The following ELF3 variants were observed in gnomAD, a reference collection of about 807,000 sequenced individuals.
ELF3 encodes the protein E74 like ETS transcription factor 3.
A neutral mutation model predicts 43.9 loss-of-function variants in ELF3; 18 were observed. That is an observed-to-expected ratio of 0.41 (90% CI 0.28 to 0.61). ELF3 has a LOEUF of 0.61. Ranked by LOEUF, ELF3 falls within the 20% of genes least tolerant of loss-of-function variation. The probability of loss-of-function intolerance (pLI) is 0.30; values close to 1 mark genes in which losing one functional copy is unlikely to be tolerated. For missense variants in ELF3, 373 were observed against 487.7 expected (o/e 0.76, Z 2.21); for synonymous variants, 181 against 190.2 (o/e 0.95, Z 0.40).
Position 202,015,193 on chromosome 1 carries a change from C to T in ELF3, c.1002-16C>T, listed in dbSNP as rs1684287345. Reference sequence around the variant, plus strand: ...TTCCTGCCAAAGCACCTCTGACCATCCTTCTCTTCACCCAGGTACTACTAC... The same window carrying T: ...TTCCTGCCAAAGCACCTCTGACCATTCTTCTCTTCACCCAGGTACTACTAC... On this transcript the variant is annotated splice_polypyrimidine_tract_variant and intron_variant, in intron 8 of 8. Coordinates refer to ENST00000367284, the MANE Select transcript of ELF3 (RefSeq NM_004433.5). 1 of 1,613,540 alleles carries T rather than the reference C, an allele frequency of 6.2e-7. No homozygotes were observed. Among genetic ancestry groups the T allele is most frequent in the Non-Finnish European group, 8.5e-7 (1 of 1,179,658 alleles).
At position 202,012,797 on chromosome 1, in the gene ELF3, A is replaced by C; in HGVS notation, c.598+38A>C. 1 of 1,537,904 alleles carries C rather than the reference A, an allele frequency of 6.5e-7. No individual in the cohort carries two copies. The highest frequency in any genetic ancestry group is 8.8e-7 in the Non-Finnish European group (1 of 1,142,628). On this transcript the variant is annotated intron_variant, in intron 5 of 8. Transcript: ENST00000367284. The surrounding 1 kb of genome is among the most constrained non-coding windows in gnomAD (Gnocchi z 4.2). ...TCTGGGCCACAACCTCCCTTCCCCG[A>C]AGTGTCCCTTGTTCCCTCTGGCTCC...
rs753632374 is a variant in ELF3, at chr1:202,012,174, C to T, written c.381C>T (p.Asp127=). The T allele has an allele frequency of 1.2e-6, 2 of 1,613,072 alleles. No homozygotes were observed. The highest frequency in any genetic ancestry group is 8.5e-7 in the Non-Finnish European group (1 of 1,179,890). ...LGDQLHAQLR[D]LTSSSSDELS... ...ACCAACTCCATGCCCAGCTGCGAGA[C>T]CTCAGTGAGTCCAGGCCCCTGGAGG... Residue 127 remains aspartate, a synonymous_variant, in exon 3 of 9, where the codon GAC becomes GAT. Transcript: ENST00000367284. This position sits in a 1 kb window ranked among gnomAD's most constrained non-coding sequence, Gnocchi z 4.2.
Position 202,012,545 on chromosome 1 carries a change from G to A in ELF3, c.479-95G>A. On this transcript the variant is annotated intron_variant, in intron 4 of 8. Transcript: ENST00000367284. The surrounding 1 kb of genome is among the most constrained non-coding windows in gnomAD (Gnocchi z 4.2). ...CCCAGACTTCTTCCTCCCTCAATTAGAAAAATTGCAGCAGGTCATCAGACC... is the reference window on the plus strand; with the variant it reads ...CCCAGACTTCTTCCTCCCTCAATTAAAAAAATTGCAGCAGGTCATCAGACC... 6.4e-7 allele frequency: 1 copy of A among 1,555,242 alleles called. No individual in the cohort carries two copies. Among genetic ancestry groups the A allele is most frequent in the Non-Finnish European group, 8.7e-7 (1 of 1,151,940 alleles).
chr1:202,011,409 AG>A, intron 2 of ELF3, 110 bp downstream of exon 2: 2 of 1,352,906 alleles, frequency 1.5e-6, no homozygotes, highest in Non-Finnish European at 2.0e-6. Context: ...GGCAAATTCC[AG>A]GGCTAGAGGC....
intron 8 of ELF3, 48 bp downstream of exon 8, chr1:202,014,072 G>A (rs1396321488): frequency 3.2e-6 from 5 of 1,549,160 alleles, no homozygotes; most frequent in South Asian, 1.2e-5. Flanking sequence ...CATGGGGACA[G>A]GCGCTCACAC....
In ELF3 at chr1:202,011,359, G is replaced by A; in HGVS notation, c.163+60G>A. 1.1e-5 allele frequency: 17 copies of A among 1,490,266 alleles called. 1 individual carries two copies. The South Asian group carries it at 2.2e-4, about 19-fold the overall frequency. 92.3% of individuals were successfully genotyped at this position (1,490,266 alleles called of 1,614,324 possible). ...GGGAGACAGATCCATCTAAGGGCCT[G>A]TTAGACAAATGGGGGAATAGGCAGG... is the stretch of plus-strand genomic sequence containing the variant. On this transcript the variant is annotated intron_variant, in intron 2 of 8. Coordinates refer to ENST00000367284, the MANE Select transcript of ELF3 (RefSeq NM_004433.5).
rs530735258 is a variant in ELF3 at position 202,013,575 on chromosome 1, C to T, written c.806-254C>T. Among the ~76,000 whole-genome samples, 1 of 152,288 alleles carries T rather than the reference C, an allele frequency of 6.6e-6. No individual in the cohort carries two copies. Among genetic ancestry groups the T allele is most frequent in the Non-Finnish European group, 1.5e-5 (1 of 68,024 alleles). ...GACTCCAGTGTCCTGTCCACTGACT[C>T]CAGTTCTCTCTGCACTTGGCCACTG... is the stretch of plus-strand genomic sequence containing the variant. On this transcript the variant is annotated intron_variant, in intron 7 of 8. Coordinates refer to ENST00000367284, the MANE Select transcript of ELF3 (RefSeq NM_004433.5). The surrounding 1 kb of genome is among the most constrained non-coding windows in gnomAD (Gnocchi z 5.7).
chr1:202,015,809 T>C lies in ELF3; in HGVS notation c.*486T>C, dbSNP rs1381198579. ...AGAGCACTCCCTAATTTATGTGCTA[T>C]ATAAATATGTCAGATGTACATAGAG... is the stretch of plus-strand genomic sequence containing the variant. On this transcript the variant is annotated 3_prime_UTR_variant, in exon 9 of 9. Transcript: ENST00000367284. 1 of 169,984 alleles carries C rather than the reference T, an allele frequency of 5.9e-6. No homozygotes were observed. Among genetic ancestry groups the C allele is most frequent in the Non-Finnish European group, 1.3e-5 (1 of 76,930 alleles). 10.5% of individuals were successfully genotyped at this position (169,984 alleles called of 1,614,324 possible).
rs1345421714 is a variant in ELF3, at chr1:202,011,661, C to T, written c.164-296C>T. 1.1e-5 allele frequency: 5 copies of T among 472,640 alleles called. No homozygotes were observed. In the Admixed American group the frequency reaches 1.1e-4, roughly 11 times the overall value. 29.3% of individuals were successfully genotyped at this position (472,640 alleles called of 1,614,324 possible). A position where few individuals can be genotyped will look rare whatever the true frequency, so the allele number is the denominator to read the frequency against. On this transcript the variant is annotated intron_variant, in intron 2 of 8. Coordinates refer to ENST00000367284, the MANE Select transcript of ELF3 (RefSeq NM_004433.5). ...CTGAGCTGAGCGGATCACCTGAGGT[C>T]AAGAGTTCGAGACCAGCCTAGCCAA...
Position 202,010,825 on chromosome 1 carries a change from G to A in ELF3, c.-9+119G>A, listed in dbSNP as rs950214659. 2 of 344,146 alleles carry A rather than the reference G, an allele frequency of 5.8e-6. No individual in the cohort carries two copies. The highest frequency in any genetic ancestry group is 1.1e-5 in the Non-Finnish European group (2 of 185,006). 21.3% of individuals were successfully genotyped at this position (344,146 alleles called of 1,614,324 possible). A position where few individuals can be genotyped will look rare whatever the true frequency, so the allele number is the denominator to read the frequency against. On this transcript the variant is annotated intron_variant, in intron 1 of 8. Coordinates refer to ENST00000367284, the MANE Select transcript of ELF3 (RefSeq NM_004433.5). The surrounding 1 kb of genome is among the most constrained non-coding windows in gnomAD (Gnocchi z 4.3). The stretch of plus-strand genomic sequence containing the variant: ...CTAGGATCTCCGAGCAAGAGCGTAG[G>A]TGTCCTGAGGGTCAAAGAACAGAGA...
chr1:202,015,414 C>A lies in ELF3; in HGVS notation c.*91C>A. 3 of 1,196,610 alleles carry A rather than the reference C, an allele frequency of 2.5e-6. No individual in the cohort carries two copies. The highest frequency in any genetic ancestry group is 3.6e-6 in the Non-Finnish European group (3 of 826,016). 74.1% of individuals were successfully genotyped at this position (1,196,610 alleles called of 1,614,324 possible). A position where few individuals can be genotyped will look rare whatever the true frequency, so the allele number is the denominator to read the frequency against. ...ACAGGCAGGCCAGATGGCCCCTCCA[C>A]TGGGGAATGCTCCCAGCTGTGCTGT... On this transcript the variant is annotated 3_prime_UTR_variant, in exon 9 of 9. Transcript: ENST00000367284.
chr1:202,015,068 A>C (rs536855718), intron 8 of ELF3, 141 bp from the exon 9 acceptor site: 2 of 704,718 alleles, frequency 2.8e-6, no homozygotes, highest in Admixed American at 4.5e-5. Flanking sequence ...GAGTTTAGGA[A>C]GTGTGAGTCA....
At position 202,011,117 on chromosome 1, in the gene ELF3, C is replaced by T. The variant is rs751971257; in HGVS notation, c.-8-12C>T. On this transcript the variant is annotated splice_polypyrimidine_tract_variant and intron_variant, in intron 1 of 8. Coordinates refer to ENST00000367284, the MANE Select transcript of ELF3 (RefSeq NM_004433.5). The stretch of plus-strand genomic sequence containing the variant: ...CCCTCACCAACCTCATCCTCTCTCC[C>T]CCTACCCACAGGTAGCCTCATGGCT... 3 of 1,613,488 alleles carry T rather than the reference C, an allele frequency of 1.9e-6. No individual in the cohort carries two copies. Among genetic ancestry groups the T allele is most frequent in the African/African-American group, 2.7e-5 (2 of 74,936 alleles).
intron 1 of ELF3, 116 bp from the exon 2 acceptor site, chr1:202,011,013 C>T: frequency 5.1e-6 from 6 of 1,177,172 alleles, no homozygotes; most frequent in Non-Finnish European, 6.0e-6. Context: ...AGTTGCTGAT[C>T]TTCCTGCCCC....
chr1:202,014,742 G>C (rs1014186792), intron 8 of ELF3: 1 of 163,720 alleles, frequency 6.1e-6, no homozygotes. Flanking sequence ...AAGTAGCTGG[G>C]ATTACAGGCA....
At chr1:202,011,780 C>T (rs1054786420) in intron 2 of ELF3, 177 bp from the exon 3 acceptor site, 29 of 632,366 alleles carry the variant, frequency 4.6e-5, no homozygotes, top group South Asian at 1.2e-4. Flanking sequence ...GGGAGGCTGA[C>T]GCAGGAGTAT....
Position 202,010,884 on chromosome 1 carries a change from C to A in ELF3, c.-9+178C>A. On this transcript the variant is annotated intron_variant, in intron 1 of 8. Transcript: ENST00000367284. This position sits in a 1 kb window ranked among gnomAD's most constrained non-coding sequence, Gnocchi z 4.3. Reference sequence around the variant, plus strand: ...CTCTGGGAAGGCAGAATGGCCATGACGCCGCTAGTCTGGCTCCAGGGCCCC... The same window carrying A: ...CTCTGGGAAGGCAGAATGGCCATGAAGCCGCTAGTCTGGCTCCAGGGCCCC... 2.0e-6 allele frequency: 1 copy of A among 502,500 alleles called. No homozygotes were observed. Among genetic ancestry groups the A allele is most frequent in the Non-Finnish European group, 3.6e-6 (1 of 281,538 alleles). The allele number at this position is 502,500 out of a possible 1,614,324, so 31.1% of individuals were successfully genotyped here. A position where few individuals can be genotyped will look rare whatever the true frequency, so the allele number is the denominator to read the frequency against.
chr1:202,012,822 C>A lies in ELF3; in HGVS notation c.598+63C>A. ...AAGTGTCCCTTGTTCCCTCTGGCTC[C>A]CAGCACCATAACTCAGGCCTTCTGG... On this transcript the variant is annotated intron_variant, in intron 5 of 8. Coordinates refer to ENST00000367284, the MANE Select transcript of ELF3 (RefSeq NM_004433.5). This position sits in a 1 kb window ranked among gnomAD's most constrained non-coding sequence, Gnocchi z 4.2. 2.0e-6 allele frequency: 3 copies of A among 1,536,904 alleles called. No individual in the cohort carries two copies. In the Admixed American group the frequency reaches 6.0e-5, roughly 31 times the overall value.
chr1:202,014,610 C>T (rs1429543614), intron 8 of ELF3, among the ~76,000 whole-genome samples: 1 of 150,960 alleles, frequency 6.6e-6, no homozygotes, highest in Non-Finnish European at 1.5e-5. Context: ...TTTTCTTCTT[C>T]TTCTTTTTAT....
Sources: gnomAD v4.1 joint callset for allele counts (sites outside exome capture counted in the v4.1 genomes callset) on GRCh38, gnomAD v4.1.1 for gene constraint, Gnocchi (gnomAD v3.1) non-coding constraint, MANE v1.5 for transcripts, NCBI Gene and HGNC (gene_info 2026-07-23, HGNC 2026-07-21) for gene names.